Variants in DENND4A observed in about 807,000 individuals in gnomAD.
DENND4A encodes the protein C-myc promoter-binding protein.
In DENND4A, 70 loss-of-function variants were observed where a neutral mutation model predicts 199.3. The observed-to-expected ratio is 0.35, with a 90% CI of 0.29 to 0.43. The LOEUF is 0.43. Among genes scored for constraint, DENND4A ranks in the 20% least tolerant of loss-of-function variants. The pLI, the probability that DENND4A is intolerant of heterozygous loss-of-function variation, is 1.00. For synonymous variants in DENND4A, 686 were observed against 766.9 expected (o/e 0.89, Z 1.74); for missense variants, 1,723 against 2,255.8 (o/e 0.76, Z 4.78).
chr15:65,731,504 A>G, intron 9 of DENND4A, 138 bp downstream of exon 9: 1 of 746,192 alleles, frequency 1.3e-6, no homozygotes, highest in Admixed American at 2.2e-5. Context: ...CCAAACATTA[A>G]GTAAAAGGAA....
chr15:65,786,059 T>A (rs767987587), intron 1 of DENND4A, among the ~76,000 whole-genome samples: 21 of 152,176 alleles, frequency 1.4e-4, no homozygotes, highest in African/African-American at 4.8e-5. Flanking sequence ...AATATTTATA[T>A]CCTAGGACCC....
chr15:65,722,198 A>C (rs1423094481), intron 12 of DENND4A, among the ~76,000 whole-genome samples: 1 of 152,210 alleles, frequency 6.6e-6, no homozygotes, highest in African/African-American at 2.4e-5. Flanking sequence ...TATGAAAAAA[A>C]TAGGCCAGGC....
chr15:65,790,911 C>G (rs1186717191), intron 1 of DENND4A, among the ~76,000 whole-genome samples: 1 of 152,172 alleles, frequency 6.6e-6, no homozygotes, highest in Admixed American at 6.5e-5. Flanking sequence ...ACCGGGGCTA[C>G]GCTGTTTACA....
intron 11 of DENND4A, among the ~76,000 whole-genome samples, chr15:65,723,764 T>C (rs550434458): frequency 1.4e-4 from 21 of 152,154 alleles, no homozygotes; most frequent in Non-Finnish European, 2.4e-4. Context: ...CAATATACTT[T>C]AATAAACGTT....
chr15:65,729,130 G>T lies in DENND4A; in HGVS notation c.1429C>A (p.Leu477Ile). ...IVGIDSRYFD[L>I]YDPPPDVSCV... is the part of the protein sequence containing the mutation. ...CTGACATCTGGTGGAGGATCATAGA[G>T]ATCAAAGTATCTTGAATCAATCCCT... The change falls in exon 11 of 33, where the codon CTC becomes ATC. Residue 477 changes from leucine (L) to isoleucine (I), a missense_variant. Around this residue, in one of 6 missense-constraint regions of DENND4A, gnomAD observed 725 missense variants for 952.9 expected, o/e 0.76. Transcript: ENST00000443035. 1 of 1,593,378 alleles carries T rather than the reference G, an allele frequency of 6.3e-7. No homozygotes were observed. The highest frequency in any genetic ancestry group is 8.6e-7 in the Non-Finnish European group (1 of 1,168,778).
intron 1 of DENND4A, among the ~76,000 whole-genome samples, chr15:65,791,777 C>A (rs955109023): frequency 6.6e-6 from 1 of 152,148 alleles, no homozygotes; most frequent in East Asian, 1.9e-4. Flanking sequence ...AGGAGCCCCC[C>A]ACGCGTCCGA....
chr15:65,720,947 T>TTTTATATATATATA (rs1435137020), intron 12 of DENND4A, among the ~76,000 whole-genome samples: 7 of 76,266 alleles, frequency 9.2e-5, no homozygotes, highest in African/African-American at 3.7e-4. Flanking sequence ...GTTTCATTGA[T>TTTTATATATATATA]TATATATATA....
rs2077154141 is a variant in DENND4A at position 65,772,260 on chromosome 15, C to T, written c.-101-10822G>A. ...GACTCTGATTCTCTCATTCACTCAT[C>T]TGACAAATATTTATTGAATACTGAA... On this transcript the variant is annotated intron_variant, in intron 1 of 32. Transcript: ENST00000443035. The T allele has an allele frequency of 2.0e-5, 11 of 556,084 alleles. No individual in the cohort carries two copies. In the South Asian group the frequency reaches 2.6e-4, roughly 13 times the overall value. The allele number at this position is 556,084 out of a possible 1,614,324, so 34.4% of individuals were successfully genotyped here.
At chr15:65,717,141 T>C (rs2075432273) in intron 13 of DENND4A, among the ~76,000 whole-genome samples, 1 of 152,164 alleles carries the variant, frequency 6.6e-6, no homozygotes, top group Admixed American at 6.5e-5. Context: ...TAACCATGTC[T>C]CTCATCTTTT....
chr15:65,775,185 A>G (rs1333803655), intron 1 of DENND4A, among the ~76,000 whole-genome samples: 1 of 151,484 alleles, frequency 6.6e-6, no homozygotes, highest in African/African-American at 2.4e-5. Context: ...CTCTACAAAA[A>G]AATTTTTTTA....
intron 4 of DENND4A, among the ~76,000 whole-genome samples, chr15:65,744,551 C>T (rs1036301553): frequency 9.2e-5 from 14 of 152,110 alleles, no homozygotes; most frequent in African/African-American, 3.1e-4. Flanking sequence ...CTCCCTCCAC[C>T]CTGCCCAGTC....
intron 22 of DENND4A, among the ~76,000 whole-genome samples, chr15:65,691,771 T>G (rs2076976588): frequency 6.6e-6 from 1 of 152,078 alleles, no homozygotes; most frequent in Non-Finnish European, 1.5e-5. Context: ...GAGACAGAAC[T>G]GGGATTCAAA....
At chr15:65,775,518 G>A (rs1181650056) in intron 1 of DENND4A, among the ~76,000 whole-genome samples, 2 of 150,752 alleles carry the variant, frequency 1.3e-5, no homozygotes, top group African/African-American at 2.4e-5. Flanking sequence ...ATGCATGCCT[G>A]TAATCCCAGC....
intron 1 of DENND4A, among the ~76,000 whole-genome samples, chr15:65,781,318 T>C (rs767358810): frequency 2.6e-5 from 4 of 152,030 alleles, no homozygotes; most frequent in Non-Finnish European, 5.9e-5. Flanking sequence ...ATGTTGACAA[T>C]GGGGAGTCAG....
intron 12 of DENND4A, 33 bp downstream of exon 12, chr15:65,722,815 A>G (rs772319067): frequency 6.7e-7 from 1 of 1,487,680 alleles, no homozygotes; most frequent in Non-Finnish European, 9.1e-7. Context: ...TTTTCAGATT[A>G]AATTACCTCC....
At chr15:65,683,168 G>A (rs1485557917) in intron 23 of DENND4A, among the ~76,000 whole-genome samples, 1 of 152,176 alleles carries the variant, frequency 6.6e-6, no homozygotes, top group East Asian at 1.9e-4. Context: ...CATTTGTGTA[G>A]AGCAGTAAAG....
intron 24 of DENND4A, among the ~76,000 whole-genome samples, 162 bp downstream of exon 24, chr15:65,676,283 C>T (rs1377460001): frequency 6.6e-6 from 1 of 151,664 alleles, no homozygotes; most frequent in African/African-American, 2.4e-5. Context: ...GAAAGTTATA[C>T]TTTTGTGAAA....
intron 4 of DENND4A, among the ~76,000 whole-genome samples, chr15:65,750,814 A>G (rs1481695101): frequency 6.6e-6 from 1 of 152,126 alleles, no homozygotes; most frequent in Non-Finnish European, 1.5e-5. Context: ...GGCTTTTACT[A>G]AGAGTGAGAT....
At chr15:65,663,198 A>ATTTT (rs139708249) in intron 32 of DENND4A, among the ~76,000 whole-genome samples, 28 of 112,322 alleles carry the variant, frequency 2.5e-4, no homozygotes, top group African/African-American at 7.8e-4. Context: ...ATATATATAT[A>ATTTT]TTTTTTTTTT....
Sources: allele counts gnomAD v4.1 joint callset (sites outside exome capture counted in the v4.1 genomes callset), GRCh38; gene constraint gnomAD v4.1.1; regional missense constraint gnomAD v4.1.1; transcripts MANE v1.5; gene names NCBI Gene and HGNC (gene_info 2026-07-23, HGNC 2026-07-21).